The following RHBDD1 variants were observed in gnomAD, a reference collection of about 807,000 sequenced individuals.
RHBDD1 encodes the protein rhomboid-related protein 4.
RHBDD1 carries 38 observed loss-of-function variants against 36.3 expected under a neutral mutation model. That is an observed-to-expected ratio of 1.05 (90% confidence interval 0.81 to 1.37). The LOEUF is 1.37. RHBDD1 is among the 40% of genes most tolerant of loss of function. The probability of loss-of-function intolerance (pLI) is 0.00; values close to 1 mark genes in which losing one functional copy is unlikely to be tolerated. For missense variants in RHBDD1, 393 were observed against 377.6 expected, an observed-to-expected ratio of 1.04 and a Z score of -0.34; for synonymous variants, 151 against 136.5, an observed-to-expected ratio of 1.11 and a Z score of -0.74.
At chr2:226,963,777 A>G (rs548147304) in intron 8 of RHBDD1, among the ~76,000 whole-genome samples, 154 of 152,280 alleles carry the variant, frequency 1.0e-3, no homozygotes, top group African/African-American at 3.5e-3. Flanking sequence ...TGAGCCTATC[A>G]TACATGCACA....
intron 3 of RHBDD1, among the ~76,000 whole-genome samples, chr2:226,858,442 C>G (rs1271023145): frequency 6.6e-6 from 1 of 152,106 alleles, no homozygotes; most frequent in Non-Finnish European, 1.5e-5. Flanking sequence ...TCTGTAGTTC[C>G]TGTCTTTCTT....
the RHBDD1 span, among the ~76,000 whole-genome samples, chr2:226,822,027 G>A: frequency 6.6e-6 from 1 of 152,104 alleles, no homozygotes; most frequent in East Asian, 1.9e-4. Flanking sequence ...ATAGCTAGTG[G>A]TAGAGCTGAA....
intron 5 of RHBDD1, chr2:226,869,209 G>T (rs1373004739): frequency 2.0e-6 from 2 of 983,550 alleles, no homozygotes; most frequent in Non-Finnish European, 2.4e-6. Context: ...TCTTTGTGGA[G>T]GCACCGGTAA....
chr2:226,970,720 G>C (rs1953307063), intron 8 of RHBDD1, among the ~76,000 whole-genome samples: 1 of 152,092 alleles, frequency 6.6e-6, no homozygotes, highest in South Asian at 2.1e-4. Context: ...TTTTTTATTT[G>C]ATTCTCAAAA....
chr2:226,806,334 T>G, the RHBDD1 span, among the ~76,000 whole-genome samples: 1 of 151,402 alleles, frequency 6.6e-6, no homozygotes, highest in African/African-American at 2.4e-5. Context: ...AAGCTTCCTG[T>G]GTCCCACCTC....
chr2:226,812,075 C>T, the RHBDD1 span, among the ~76,000 whole-genome samples: 2 of 152,230 alleles, frequency 1.3e-5, no homozygotes, highest in Non-Finnish European at 2.9e-5. Flanking sequence ...TTTAAATTTC[C>T]TCAAGCTAGT....
At chr2:226,835,209 C>T (rs1940857889), upstream of RHBDD1, among the ~76,000 whole-genome samples, 1 of 152,218 alleles carries the variant, frequency 6.6e-6, no homozygotes, top group South Asian at 2.1e-4. Context: ...CCGCGCCCGG[C>T]TGTAAGATAG....
chr2:226,804,562 T>C, the RHBDD1 span: 2 of 152,192 alleles, frequency 1.3e-5, no homozygotes, highest in African/African-American at 4.8e-5. Flanking sequence ...CTAGTGAGAA[T>C]CCAGTTCTGC....
At chr2:226,904,524 G>A (rs905599628) in intron 5 of RHBDD1, among the ~76,000 whole-genome samples, 3 of 152,078 alleles carry the variant, frequency 2.0e-5, no homozygotes, top group Non-Finnish European at 4.4e-5. Flanking sequence ...GTCTGTGTGT[G>A]TGTGCACGCG....
At chr2:226,920,733 A>G (rs1170614909) in intron 8 of RHBDD1, among the ~76,000 whole-genome samples, 1 of 152,108 alleles carries the variant, frequency 6.6e-6, no homozygotes, top group Non-Finnish European at 1.5e-5. Flanking sequence ...TAAATCCCAA[A>G]TGGTCATAAT....
At chr2:226,881,844 A>G (rs1945766694) in intron 5 of RHBDD1, among the ~76,000 whole-genome samples, 1 of 152,136 alleles carries the variant, frequency 6.6e-6, no homozygotes. Flanking sequence ...CATTTCTAAC[A>G]TTTCCTTTTT....
rs367594892 is a variant in RHBDD1, at chr2:226,903,634, G to A, written c.567-3159G>A. On this transcript the variant is annotated intron_variant, in intron 5 of 8. Transcript: ENST00000392062. ...GTTCAATCCCATAATTTTATTATAT[G>A]AAGTAGTGACACGGACAGGAGGCAG... Among the ~76,000 whole-genome samples, 6 of 152,246 alleles carry A rather than the reference G, an allele frequency of 3.9e-5. No homozygotes were observed. In the South Asian group the frequency reaches 1.0e-3, roughly 26 times the overall value.
intron 5 of RHBDD1, among the ~76,000 whole-genome samples, chr2:226,876,696 T>G (rs1945269584): frequency 6.6e-6 from 1 of 152,174 alleles, no homozygotes; most frequent in African/African-American, 2.4e-5. Flanking sequence ...CTCTTGAAAA[T>G]TATTGAGGAC....
chr2:226,882,734 G>T (rs932788856), intron 5 of RHBDD1, among the ~76,000 whole-genome samples: 8 of 151,868 alleles, frequency 5.3e-5, no homozygotes, highest in African/African-American at 1.9e-4. Flanking sequence ...TTAGTCCTTT[G>T]GTCTTAGATT....
At chr2:226,940,738 G>A (rs1375761887) in intron 8 of RHBDD1, among the ~76,000 whole-genome samples, 1 of 152,134 alleles carries the variant, frequency 6.6e-6, no homozygotes, top group Non-Finnish European at 1.5e-5. Flanking sequence ...TATCTGACAC[G>A]TTGGTTTCAG....
chr2:226,981,413 A>T (rs909673580), intron 8 of RHBDD1, among the ~76,000 whole-genome samples: 27 of 151,910 alleles, frequency 1.8e-4, no homozygotes, highest in South Asian at 4.1e-4. Flanking sequence ...AAAATTTTTT[A>T]AAAAAGGAGC....
chr2:226,905,473 A>C (rs1421143885), intron 5 of RHBDD1, among the ~76,000 whole-genome samples: 7 of 152,152 alleles, frequency 4.6e-5, no homozygotes, highest in Non-Finnish European at 1.0e-4. Context: ...GTAGACGATG[A>C]GGTCTCCACC....
chr2:226,891,434 A>G (rs1946682574), intron 5 of RHBDD1, among the ~76,000 whole-genome samples: 1 of 152,266 alleles, frequency 6.6e-6, no homozygotes, highest in Non-Finnish European at 1.5e-5. Flanking sequence ...GCATAATCAT[A>G]GAAGTGACTT....
the RHBDD1 span, among the ~76,000 whole-genome samples, chr2:226,829,757 ATG>A: frequency 7.9e-5 from 12 of 152,224 alleles, no homozygotes; most frequent in East Asian, 1.3e-3. Context: ...GTGTGTATGT[ATG>A]TGTGTATTTT....
Sources: gnomAD v4.1 joint callset for allele counts (sites outside exome capture counted in the v4.1 genomes callset) on GRCh38, gnomAD v4.1.1 for gene constraint, MANE v1.5 for transcripts, NCBI Gene and HGNC (gene_info 2026-07-23, HGNC 2026-07-21) for gene names.